KIAA0753: variants seen among roughly 807,000 people sequenced by gnomAD.
KIAA0753 encodes the protein protein moonraker.
Under a neutral mutation model 116.9 loss-of-function variants are expected in KIAA0753, and 114 were observed. The observed-to-expected ratio is 0.98, with a 90% confidence interval of 0.84 to 1.14. KIAA0753 has a LOEUF of 1.14. Among genes scored for constraint, KIAA0753 ranks in the 50% most tolerant of loss-of-function variants. The probability of loss-of-function intolerance (pLI) is 0.00; values close to 1 mark genes in which losing one functional copy is unlikely to be tolerated. For missense variants in KIAA0753, 1,156 were observed against 1,172.4 expected, an observed-to-expected ratio of 0.99 and a Z score of 0.20; for synonymous variants, 405 against 413.1, an observed-to-expected ratio of 0.98 and a Z score of 0.24.
Position 6,589,678 on chromosome 17 carries a change from G to T in KIAA0753, c.2786+101C>A, listed in dbSNP as rs558656852. ...ACCACTGAAACTCCAGGGCCCAAAA[G>T]CATATGGGATAAGACCTTGGCTAAT... is the stretch of plus-strand genomic sequence containing the variant. On this transcript the variant is annotated intron_variant, in intron 18 of 18. Transcript: ENST00000361413. 3.3e-4 allele frequency: 268 copies of T among 812,968 alleles called. 1 individual carries two copies. In the African/African-American group the frequency reaches 4.3e-3, roughly 13 times the overall value. The allele number at this position is 812,968 out of a possible 1,614,324, so 50.4% of individuals were successfully genotyped here. A position where few individuals can be genotyped will look rare whatever the true frequency, so the allele number is the denominator to read the frequency against.
intron 18 of KIAA0753, among the ~76,000 whole-genome samples, chr17:6,582,108 C>G (rs1038038070): frequency 2.5e-4 from 38 of 152,176 alleles, no homozygotes; most frequent in African/African-American, 8.2e-4. Context: ...TTCATCCCAG[C>G]CTTCCCCTAG....
rs369857425 is a variant in KIAA0753, at chr17:6,623,042, T to C, written c.944A>G (p.Gln315Arg). The C allele has an allele frequency of 8.7e-5, 140 of 1,614,134 alleles. No individual in the cohort carries two copies. Among genetic ancestry groups the C allele is most frequent in the Non-Finnish European group, 1.2e-4 (136 of 1,180,026 alleles). Residue 315 changes from glutamine (Q) to arginine (R), a missense_variant, in exon 6 of 19, where the codon CAG becomes CGG. Physicochemically the swap from Gln to Arg is conservative, Grantham distance 43. Transcript: ENST00000361413. ...AAHRGAIRAL[Q>R]MFVTQFTDRG... Reference sequence around the variant, plus strand: ...GTCAGTAAACTGAGTGACAAACATCTGTAAGGCCCGAATGGCTCCTCGATG... The same window carrying C: ...GTCAGTAAACTGAGTGACAAACATCCGTAAGGCCCGAATGGCTCCTCGATG...
intron 1 of KIAA0753, chr17:6,636,027 T>C (rs946690818): frequency 1.3e-5 from 2 of 152,192 alleles, no homozygotes; most frequent in African/African-American, 4.8e-5. Flanking sequence ...ATTTGTTGAG[T>C]TAAGCTGATT....
chr17:6,636,473 C>T (rs955811566), intron 1 of KIAA0753: 5 of 152,260 alleles, frequency 3.3e-5, no homozygotes, highest in African/African-American at 1.2e-4. Context: ...GTGATCCCCA[C>T]AGTTCCAGCA....
At chr17:6,616,973 T>C (rs1002133667) in intron 7 of KIAA0753, among the ~76,000 whole-genome samples, 2 of 152,322 alleles carry the variant, frequency 1.3e-5, no homozygotes, top group South Asian at 2.1e-4. Flanking sequence ...TAATGAGTTT[T>C]AGGTTAGCAG....
At chr17:6,593,223 T>C (rs879287273) in intron 16 of KIAA0753, among the ~76,000 whole-genome samples, 2 of 152,014 alleles carry the variant, frequency 1.3e-5, no homozygotes, top group African/African-American at 2.4e-5. Flanking sequence ...CAAGGGAAGA[T>C]ATACAAATGC....
intron 18 of KIAA0753, among the ~76,000 whole-genome samples, chr17:6,581,341 G>A (rs938070117): frequency 4.6e-5 from 7 of 152,044 alleles, no homozygotes; most frequent in African/African-American, 1.4e-4. Flanking sequence ...CAGGACATAC[G>A]GTTTTGAAAG....
intron 15 of KIAA0753, among the ~76,000 whole-genome samples, 156 bp downstream of exon 15, chr17:6,596,002 G>A (rs557582949): frequency 3.3e-5 from 5 of 152,296 alleles, no homozygotes; most frequent in South Asian, 2.1e-4. Flanking sequence ...AGGGGTTGAC[G>A]ATACCAAGGT....
intron 11 of KIAA0753, 77 bp from the exon 12 acceptor site, chr17:6,607,039 C>A (rs898822043): frequency 1.2e-4 from 172 of 1,464,166 alleles, no homozygotes; most frequent in Non-Finnish European, 2.1e-5. Flanking sequence ...AGTCTTGGCT[C>A]CCCCCTTGGC....
At chr17:6,594,230 T>C (rs1304355430) in intron 16 of KIAA0753, among the ~76,000 whole-genome samples, 1 of 151,986 alleles carries the variant, frequency 6.6e-6, no homozygotes, top group Non-Finnish European at 1.5e-5. Context: ...CAGAATGAAC[T>C]TGCCAACACC....
At chr17:6,615,614 CA>C (rs60310389) in intron 7 of KIAA0753, among the ~76,000 whole-genome samples, 643 of 58,756 alleles carry the variant, frequency 0.011, 7 homozygotes, top group African/African-American at 0.036. Flanking sequence ...GACTCCGTCT[CA>C]AAAAAAAAAA....
At chr17:6,633,490 A>G (rs1441798007) in intron 2 of KIAA0753, among the ~76,000 whole-genome samples, 1 of 152,200 alleles carries the variant, frequency 6.6e-6, no homozygotes, top group Non-Finnish European at 1.5e-5. Context: ...GTTTGTTATA[A>G]AACTAAATAT....
chr17:6,592,419 T>C (rs1197556407), intron 16 of KIAA0753, among the ~76,000 whole-genome samples: 1 of 152,178 alleles, frequency 6.6e-6, no homozygotes, highest in African/African-American at 2.4e-5. Context: ...TAACCACACT[T>C]TACTCTCCTT....
chr17:6,628,739 G>A lies in KIAA0753; in HGVS notation c.96C>T (p.Asn32=), dbSNP rs1305759128. 1 of 1,580,976 alleles carries A rather than the reference G, an allele frequency of 6.3e-7. No individual in the cohort carries two copies. Residue 32 remains asparagine (N), a splice_region_variant and synonymous_variant, in exon 3 of 19, where the codon AAC becomes AAT. Transcript: ENST00000361413. ...RSDPKVLQTQ[N]QLQFNRNVPT... is the part of the protein sequence containing the mutation. ...GAACATTCCTATTAAACTGCAGCTGGTTCTTTAAAAAGCAAATAAAAGTAA... is the reference window on the plus strand; with the variant it reads ...GAACATTCCTATTAAACTGCAGCTGATTCTTTAAAAAGCAAATAAAAGTAA...
chr17:6,634,961 T>C, intron 2 of KIAA0753, 50 bp downstream of exon 2: 1 of 1,226,574 alleles, frequency 8.2e-7, no homozygotes, highest in Non-Finnish European at 1.2e-6. Context: ...CTTTCAAATT[T>C]TATGTTTGAA....
At chr17:6,627,375 T>TAATTA (rs1461112157) in intron 3 of KIAA0753, among the ~76,000 whole-genome samples, 4 of 152,252 alleles carry the variant, frequency 2.6e-5, no homozygotes, top group Admixed American at 6.5e-5. Context: ...ATGCATATAT[T>TAATTA]AATTAAATTG....
rs1967910765 is a variant in KIAA0753, at chr17:6,578,336, A to G, written c.*1411T>C. On this transcript the variant is annotated 3_prime_UTR_variant, in exon 19 of 19. Transcript: ENST00000361413. ...TTAAAATAGGCACATACTTTAAAAT[A>G]TTGGGTTTATTTTAAAAACTCAGCA... The G allele has an allele frequency of 2.0e-5, 3 of 152,186 alleles. No homozygotes were observed. Among genetic ancestry groups the G allele is most frequent in the African/African-American group, 7.2e-5 (3 of 41,444 alleles). 9.4% of individuals were successfully genotyped at this position (152,186 alleles called of 1,614,324 possible).
intron 7 of KIAA0753, 35 bp downstream of exon 7, chr17:6,620,752 TA>T: frequency 6.3e-7 from 1 of 1,596,052 alleles, no homozygotes; most frequent in African/African-American, 1.3e-5. Flanking sequence ...TTGTAATGAA[TA>T]AAATGTCTTA....
rs535171282 is a variant in KIAA0753 at position 6,621,660 on chromosome 17, A to G, written c.1105-662T>C. 5.9e-5 allele frequency among the ~76,000 whole-genome samples: 9 copies of G among 152,330 alleles called. No individual in the cohort carries two copies. In the East Asian group the frequency reaches 1.5e-3, roughly 26 times the overall value. On this transcript the variant is annotated intron_variant, in intron 6 of 18. Coordinates refer to ENST00000361413, the MANE Select transcript of KIAA0753 (RefSeq NM_014804.3). ...AGAGGAAAAATAACACATTTCTTGC[A>G]TTTTGAAAAGTAGGGGAGATAAACA...
Sources: gnomAD v4.1 joint callset for allele counts (sites outside exome capture counted in the v4.1 genomes callset) on GRCh38, gnomAD v4.1.1 for gene constraint, MANE v1.5 for transcripts, NCBI Gene and HGNC (gene_info 2026-07-23, HGNC 2026-07-21) for gene names.